Variants in CUBN observed in about 807,000 individuals in gnomAD.
CUBN encodes 460 kDa receptor.
CUBN carries 282 observed loss-of-function variants against 405.3 expected under a neutral mutation model. The observed-to-expected ratio is 0.70, with a 90% CI of 0.63 to 0.77. The LOEUF (loss-of-function observed/expected upper bound fraction) is 0.77, where lower values mean the gene tolerates loss of function less well. Among genes scored for constraint, CUBN ranks in the 30% least tolerant of loss-of-function variants. The pLI is 0.00. For synonymous variants in CUBN, 1,684 were observed against 1,617.0 expected (o/e 1.04, Z -0.99); for missense variants, 4,514 against 4,475.2 (o/e 1.01, Z -0.25).
intron 31 of CUBN, among the ~76,000 whole-genome samples, chr10:16,977,381 C>G (rs1384641590): frequency 1.3e-5 from 2 of 152,150 alleles, no homozygotes; most frequent in African/African-American, 4.8e-5. Context: ...AGCAGAGGAG[C>G]AGAAGAGCAG....
At chr10:17,031,308 A>G (rs1834782358) in intron 27 of CUBN, among the ~76,000 whole-genome samples, 1 of 152,214 alleles carries the variant, frequency 6.6e-6, no homozygotes, top group African/African-American at 2.4e-5. Context: ...TTTCTCTTAC[A>G]TCAGCATCAG....
chr10:17,051,725 T>C (rs549050570), intron 22 of CUBN, among the ~76,000 whole-genome samples: 1 of 152,002 alleles, frequency 6.6e-6, no homozygotes, highest in Admixed American at 6.5e-5. Context: ...CTTTAATATG[T>C]ATTAATAGAC....
At chr10:17,065,002 C>T (rs1031264662) in intron 22 of CUBN, among the ~76,000 whole-genome samples, 1 of 152,056 alleles carries the variant, frequency 6.6e-6, no homozygotes, top group South Asian at 2.1e-4. Flanking sequence ...AGTATTCAGT[C>T]TCTTTGGTAA....
chr10:16,888,773 T>C (rs1677976094), intron 55 of CUBN, among the ~76,000 whole-genome samples: 1 of 151,938 alleles, frequency 6.6e-6, no homozygotes, highest in African/African-American at 2.4e-5. Flanking sequence ...TTTTAGAAAA[T>C]GCTGCAGAGT....
intron 40 of CUBN, among the ~76,000 whole-genome samples, chr10:16,931,986 T>G (rs1183140131): frequency 1.3e-5 from 2 of 152,166 alleles, no homozygotes; most frequent in African/African-American, 4.8e-5. Context: ...ACATGAAAAG[T>G]TTTAAATTTC....
Position 16,950,005 on chromosome 10 carries a change from G to A in CUBN, c.5076C>T (p.Leu1692=), listed in dbSNP as rs886046874. 1 of 1,612,388 alleles carries A rather than the reference G, an allele frequency of 6.2e-7. No homozygotes were observed. The highest frequency in any genetic ancestry group is 8.5e-7 in the Non-Finnish European group (1 of 1,178,828). Residue 1692 remains leucine, a synonymous_variant, in exon 34 of 67, where the codon CTC becomes CTT. Transcript: ENST00000377833. ...GATGAGTGAACGCTGAGGTACCTCG[G>A]AGGGGCGCGTCTTCGTGGCCGCCAT... ...ILDGGHEDAP[L]RGRYCGTDMP...
rs554757000 is a variant in CUBN at position 16,865,184 on chromosome 10, G to A, written c.9454+4452C>T. Among the ~76,000 whole-genome samples the A allele has an allele frequency of 4.6e-5, 7 of 151,424 alleles. No homozygotes were observed. The South Asian group carries it at 1.5e-3, about 32-fold the overall frequency. On this transcript the variant is annotated intron_variant, in intron 59 of 66. Transcript: ENST00000377833. The stretch of plus-strand genomic sequence containing the variant: ...GGGGTTTCACCATGTAGGCCAGGCT[G>A]GTCTTGGACTCCTGACCTCAAGTGA...
intron 31 of CUBN, among the ~76,000 whole-genome samples, chr10:16,973,444 A>G (rs574130458): frequency 1.3e-5 from 2 of 152,312 alleles, no homozygotes; most frequent in South Asian, 4.2e-4. Flanking sequence ...TAAGAGCTTG[A>G]GGCCCAGAAT....
At chr10:16,992,448 A>G (rs1833619894) in intron 28 of CUBN, among the ~76,000 whole-genome samples, 2 of 152,192 alleles carry the variant, frequency 1.3e-5, no homozygotes, top group African/African-American at 2.4e-5. Context: ...GTAAACGTGC[A>G]TTTTTCACAT....
intron 22 of CUBN, among the ~76,000 whole-genome samples, chr10:17,065,043 C>T (rs1436543978): frequency 6.6e-6 from 1 of 151,520 alleles, no homozygotes; most frequent in Non-Finnish European, 1.5e-5. Context: ...TTAAAAGATG[C>T]AAGAATGAGC....
chr10:16,950,166 G>A, intron 33 of CUBN, 55 bp from the exon 34 acceptor site: 1 of 1,266,816 alleles, frequency 7.9e-7, no homozygotes, highest in Non-Finnish European at 1.1e-6. Flanking sequence ...AAAACATACA[G>A]GGAGATGGGG....
chr10:17,018,776 A>G (rs1179091103), intron 28 of CUBN, among the ~76,000 whole-genome samples: 1 of 152,158 alleles, frequency 6.6e-6, no homozygotes, highest in Non-Finnish European at 1.5e-5. Context: ...GTTTTTACAG[A>G]CCGCTGATTG....
Position 17,129,686 on chromosome 10 carries a change from T to C in CUBN, c.80A>G (p.Glu27Gly). Residue 27 changes from glutamate to glycine, a missense_variant, in exon 1 of 67, where the codon GAA (glutamate) becomes GGA (glycine). Coordinates refer to ENST00000377833, the MANE Select transcript of CUBN (RefSeq NM_001081.4). ...TCTTTTTTGTCTCTGCAGCTCAAGT[T>C]CTCCAGCTTCGCCATTTACTTCAGC... Reference protein sequence around the residue: ...IFAEVNGEAGELELQRQKRSI... With the variant: ...IFAEVNGEAGGLELQRQKRSI... 1 of 1,614,104 alleles carries C rather than the reference T, an allele frequency of 6.2e-7. No individual in the cohort carries two copies. The highest frequency in any genetic ancestry group is 2.2e-5 in the East Asian group (1 of 44,864).
intron 16 of CUBN, 53 bp downstream of exon 16, chr10:17,085,544 C>T: frequency 1.3e-6 from 2 of 1,498,276 alleles, no homozygotes; most frequent in Non-Finnish European, 1.9e-6. Context: ...CAGATGTAAG[C>T]ATAGCATTGG....
At chr10:16,980,627 T>C (rs1833241613) in intron 31 of CUBN, among the ~76,000 whole-genome samples, 1 of 151,784 alleles carries the variant, frequency 6.6e-6, no homozygotes, top group Non-Finnish European at 1.5e-5. Flanking sequence ...CACTCGTAAG[T>C]GGGAGTTGAA....
At chr10:16,904,200 G>A (rs1302859840) in intron 50 of CUBN, 85 bp from the exon 51 acceptor site, 1 of 1,253,470 alleles carries the variant, frequency 8.0e-7, no homozygotes, top group Non-Finnish European at 1.2e-6. Context: ...CAAATTTCAA[G>A]ATATTCATTG....
intron 36 of CUBN, among the ~76,000 whole-genome samples, chr10:16,941,817 T>C (rs1443279248): frequency 3.3e-5 from 5 of 152,068 alleles, no homozygotes; most frequent in South Asian, 2.1e-4. Flanking sequence ...CTCCAGCCTA[T>C]GCAACAGAGT....
Position 16,831,388 on chromosome 10 carries a change from T to C in CUBN, c.10392A>G (p.Pro3464=). The part of the protein sequence containing the change: ...EVRNGSNSNS[P]LLGKYCGTLL... ...GAGTTCCACAGTACTTGCCCAGTAA[T>C]GGTGAATTGCTGTTACTTCCATTTC... is the stretch of plus-strand genomic sequence containing the variant. Residue 3464 remains proline (P), a synonymous_variant, in exon 65 of 67, where the codon CCA becomes CCG. Coordinates refer to ENST00000377833, the MANE Select transcript of CUBN (RefSeq NM_001081.4). 1 of 1,614,092 alleles carries C rather than the reference T, an allele frequency of 6.2e-7. No individual in the cohort carries two copies. Among genetic ancestry groups the C allele is most frequent in the Non-Finnish European group, 8.5e-7 (1 of 1,179,926 alleles).
chr10:16,946,093 C>T (rs887051612), intron 36 of CUBN, among the ~76,000 whole-genome samples: 1 of 152,162 alleles, frequency 6.6e-6, no homozygotes, highest in East Asian at 1.9e-4. Context: ...TACTTATATT[C>T]GCTTCAAAAC....
Sources: gnomAD v4.1 joint callset for allele counts (sites outside exome capture counted in the v4.1 genomes callset) on GRCh38, gnomAD v4.1.1 for gene constraint, MANE v1.5 for transcripts, NCBI Gene and HGNC (gene_info 2026-07-23, HGNC 2026-07-21) for gene names.